The following CTNNA2 variants were observed in gnomAD, a reference collection of about 807,000 sequenced individuals.
The protein encoded by CTNNA2 is catenin alpha 2.
A neutral mutation model predicts 101.0 loss-of-function variants in CTNNA2; 42 were observed. The observed-to-expected ratio is 0.42, with a 90% CI of 0.32 to 0.54. CTNNA2 has a LOEUF of 0.54. Among genes scored for constraint, CTNNA2 ranks in the 20% least tolerant of loss-of-function variants. The probability of loss-of-function intolerance (pLI) is 0.14; values close to 1 mark genes in which losing one functional copy is unlikely to be tolerated. For missense variants in CTNNA2, 871 were observed against 1,223.1 expected (o/e 0.71, Z 4.29); for synonymous variants, 450 against 456.4 (o/e 0.99, Z 0.18).
chr2:79,902,644 T>G (rs1424625651), intron 6 of CTNNA2, among the ~76,000 whole-genome samples: 2 of 149,842 alleles, frequency 1.3e-5, no homozygotes, highest in Non-Finnish European at 2.9e-5. Context: ...TTTTTTTTTT[T>G]GAGATGGAGT....
chr2:79,433,156 T>G (rs979447447), intron 4 of CTNNA2, among the ~76,000 whole-genome samples: 3 of 152,214 alleles, frequency 2.0e-5, no homozygotes, highest in African/African-American at 7.2e-5. Context: ...GATGTTCTCA[T>G]AGAACTTTAC....
intron 1 of CTNNA2, among the ~76,000 whole-genome samples, chr2:79,575,990 T>C (rs540249706): frequency 1.2e-3 from 190 of 152,330 alleles, no homozygotes; most frequent in African/African-American, 4.1e-3. Context: ...CTAAAGCGGT[T>C]AGCCCAGTGA....
chr2:79,475,704 T>G (rs2104551301), intron 4 of CTNNA2, among the ~76,000 whole-genome samples: 1 of 151,770 alleles, frequency 6.6e-6, no homozygotes, highest in East Asian at 1.9e-4. Flanking sequence ...TATGTAGCCT[T>G]CTTTATATTC....
intron 6 of CTNNA2, among the ~76,000 whole-genome samples, chr2:79,888,855 C>T (rs1054012162): frequency 6.6e-6 from 1 of 152,110 alleles, no homozygotes; most frequent in African/African-American, 2.4e-5. Flanking sequence ...AATTGTCTAA[C>T]ATGTGATGGC....
chr2:80,589,196 C>T (rs750968697), intron 14 of CTNNA2, 108 bp from the exon 15 acceptor site: 15 of 1,111,154 alleles, frequency 1.3e-5, no homozygotes, highest in African/African-American at 1.6e-5. Flanking sequence ...CAGGGTAGCT[C>T]ATAAGCCTTT....
chr2:80,279,311 A>G (rs1182489818), intron 7 of CTNNA2, among the ~76,000 whole-genome samples: 1 of 152,050 alleles, frequency 6.6e-6, no homozygotes, highest in Admixed American at 6.6e-5. Context: ...GACTAGTTCT[A>G]GAGAGTTATA....
chr2:79,265,448 T>G (rs954156267), intron 2 of CTNNA2, among the ~76,000 whole-genome samples: 1 of 152,122 alleles, frequency 6.6e-6, no homozygotes, highest in Non-Finnish European at 1.5e-5. Context: ...GAGAATGTTG[T>G]GCCTGGAAAG....
chr2:79,821,902 C>T (rs895255087), intron 3 of CTNNA2, among the ~76,000 whole-genome samples: 2 of 152,128 alleles, frequency 1.3e-5, no homozygotes, highest in African/African-American at 4.8e-5. Flanking sequence ...CACTCTTGTA[C>T]ATAGTTTATA....
intron 2 of CTNNA2, among the ~76,000 whole-genome samples, chr2:79,742,890 T>G (rs895879552): frequency 6.6e-6 from 1 of 152,226 alleles, no homozygotes; most frequent in African/African-American, 2.4e-5. Flanking sequence ...TAATCACCTC[T>G]TAAGTATTGG....
chr2:79,470,979 G>A (rs1167280945), intron 4 of CTNNA2, among the ~76,000 whole-genome samples: 2 of 152,058 alleles, frequency 1.3e-5, no homozygotes, highest in Non-Finnish European at 2.9e-5. Context: ...TTTATATTTA[G>A]GATCCATATT....
intron 4 of CTNNA2, among the ~76,000 whole-genome samples, chr2:79,380,378 A>G (rs2104462574): frequency 9.3e-5 from 1 of 10,792 alleles, no homozygotes; most frequent in Non-Finnish European, 2.3e-4. Flanking sequence ...TGCCTCTTCC[A>G]TTTTATGAAA....
rs1288352347 is a variant in CTNNA2 at position 79,537,250 on chromosome 2, CA to C, written c.-6+24045del. ...AATGACCACCATTTCTAGAAATTAA[CA>C]AGCCCTTGAATCAAATGCTCATCAG... On this transcript the variant is annotated intron_variant, in intron 1 of 18. Transcript: ENST00000402739. 2.0e-5 allele frequency among the ~76,000 whole-genome samples: 3 copies of C among 152,170 alleles called. 1 individual carries two copies. Among genetic ancestry groups the C allele is most frequent in the Non-Finnish European group, 4.4e-5 (3 of 68,032 alleles).
At chr2:80,176,326 A>G (rs1373212310) in intron 7 of CTNNA2, among the ~76,000 whole-genome samples, 1 of 152,244 alleles carries the variant, frequency 6.6e-6, no homozygotes, top group Non-Finnish European at 1.5e-5. Context: ...TATGAAGTCA[A>G]TAAATCTTAT....
chr2:80,425,793 A>G (rs1680938076), intron 9 of CTNNA2, among the ~76,000 whole-genome samples: 1 of 152,092 alleles, frequency 6.6e-6, no homozygotes, highest in African/African-American at 2.4e-5. Flanking sequence ...GGGCCCTTTT[A>G]CAACCTACAG....
chr2:79,272,693 G>A (rs1183765238), intron 2 of CTNNA2, among the ~76,000 whole-genome samples: 1 of 152,022 alleles, frequency 6.6e-6, no homozygotes, highest in African/African-American at 2.4e-5. Flanking sequence ...ATTAAACAAA[G>A]TGTTTAAACA....
rs117625874 is a variant in CTNNA2 at position 79,900,322 on chromosome 2, G to T, written c.853-9272G>T. 3.6e-3 allele frequency among the ~76,000 whole-genome samples: 543 copies of T among 152,282 alleles called. 13 individuals carry two copies. The East Asian group carries it at 0.047, about 13-fold the overall frequency. Reference sequence around the variant, plus strand: ...TTTGTTTTAAGAAGGATTCCATAGTGAAGAGTTAATCAGTAGGTATTGCTG... The same window carrying T: ...TTTGTTTTAAGAAGGATTCCATAGTTAAGAGTTAATCAGTAGGTATTGCTG... On this transcript the variant is annotated intron_variant, in intron 6 of 18. Transcript: ENST00000402739.
At chr2:79,441,990 C>T (rs1216976000) in intron 4 of CTNNA2, among the ~76,000 whole-genome samples, 3 of 152,186 alleles carry the variant, frequency 2.0e-5, no homozygotes, top group Non-Finnish European at 4.4e-5. Flanking sequence ...AAATTCACCC[C>T]TTTAGAGGAG....
chr2:79,971,270 C>G (rs563390185), intron 7 of CTNNA2, among the ~76,000 whole-genome samples: 1 of 152,132 alleles, frequency 6.6e-6, no homozygotes, highest in Non-Finnish European at 1.5e-5. Context: ...AATATACTTT[C>G]TTTGAACTAA....
intron 1 of CTNNA2, among the ~76,000 whole-genome samples, chr2:79,599,402 C>G (rs1334920935): frequency 6.6e-6 from 1 of 151,874 alleles, no homozygotes; most frequent in African/African-American, 2.4e-5. Flanking sequence ...GATATTATAC[C>G]ATTGAACATA....
Sources: allele counts gnomAD v4.1 joint callset (sites outside exome capture counted in the v4.1 genomes callset), GRCh38; gene constraint gnomAD v4.1.1; transcripts MANE v1.5; gene names NCBI Gene and HGNC (gene_info 2026-07-23, HGNC 2026-07-21).